Variants in CDC123 observed in about 807,000 individuals in gnomAD.
CDC123 encodes cell division cycle 123, also known as translation initiation factor eIF2 assembly protein.
Under a neutral mutation model 54.4 loss-of-function variants are expected in CDC123, and 37 were observed. The observed-to-expected ratio is 0.68, with a 90% CI of 0.52 to 0.89. The LOEUF is 0.89. Among genes scored for constraint, CDC123 ranks in the 40% least tolerant of loss-of-function variants. The pLI is 0.00. For missense variants in CDC123, 361 were observed against 412.1 expected (o/e 0.88, Z 1.07); for synonymous variants, 144 against 136.8 (o/e 1.05, Z -0.37).
At chr10:12,199,065 G>GA (rs113081068) in intron 2 of CDC123, among the ~76,000 whole-genome samples, 17 of 152,268 alleles carry the variant, frequency 1.1e-4, no homozygotes, top group African/African-American at 3.9e-4. Context: ...CAGGGTGGGG[G>GA]AAGTACATAT....
At chr10:12,234,581 CTG>C (rs1835953875) in intron 7 of CDC123, among the ~76,000 whole-genome samples, 1 of 151,958 alleles carries the variant, frequency 6.6e-6, no homozygotes, top group African/African-American at 2.4e-5. Flanking sequence ...ACGTATGGCA[CTG>C]TGGTGAAAAG....
At chr10:12,199,260 C>T (rs1208883388) in intron 2 of CDC123, among the ~76,000 whole-genome samples, 1 of 152,134 alleles carries the variant, frequency 6.6e-6, no homozygotes, top group East Asian at 1.9e-4. Context: ...TACTGTGTTT[C>T]AGTCTTTTGG....
At chr10:12,223,387 G>A (rs886996925) in intron 6 of CDC123, among the ~76,000 whole-genome samples, 1 of 152,056 alleles carries the variant, frequency 6.6e-6, no homozygotes, top group African/African-American at 2.4e-5. Flanking sequence ...CCAGGTTCAA[G>A]CAGTTGTCCT....
intron 6 of CDC123, among the ~76,000 whole-genome samples, chr10:12,226,430 G>T (rs1835815796): frequency 1.3e-5 from 2 of 152,118 alleles, no homozygotes; most frequent in Admixed American, 6.5e-5. Flanking sequence ...GGGGGCAGCT[G>T]CTGGGTGGAG....
At chr10:12,206,222 TA>T (rs1835517523) in intron 2 of CDC123, among the ~76,000 whole-genome samples, 2 of 152,396 alleles carry the variant, frequency 1.3e-5, no homozygotes, top group South Asian at 4.1e-4. Flanking sequence ...GTATGTTTTT[TA>T]AAATGTATGT....
In CDC123 at chr10:12,234,978, GACCTAAAAT is replaced by G. The variant is rs1835959773; in HGVS notation, c.490-69_490-61del. 7 of 1,061,474 alleles carry G rather than the reference GACCTAAAAT, an allele frequency of 6.6e-6. No homozygotes were observed. In the South Asian group the frequency reaches 9.0e-5, roughly 14 times the overall value. The allele number at this position is 1,061,474 out of a possible 1,614,324, so 65.8% of individuals were successfully genotyped here. On this transcript the variant is annotated intron_variant, in intron 7 of 12. Coordinates refer to ENST00000281141, the MANE Select transcript of CDC123 (RefSeq NM_006023.3). ...ATGGCAATCATTAAGATACAGTGTTGACCTAAAATTGCCTAGTAGACCTTACCACATAGG... is the reference window on the plus strand; with the variant it reads ...ATGGCAATCATTAAGATACAGTGTTGTGCCTAGTAGACCTTACCACATAGG...
chr10:12,236,599 TA>T (rs534845759), intron 8 of CDC123, among the ~76,000 whole-genome samples: 1,380 of 128,496 alleles, frequency 0.011, 13 homozygotes, highest in African/African-American at 0.027. Flanking sequence ...ACACTGTCTC[TA>T]AAAAAAAAAA....
chr10:12,235,195 G>A, intron 8 of CDC123, 72 bp downstream of exon 8: 2 of 1,339,104 alleles, frequency 1.5e-6, no homozygotes, highest in Non-Finnish European at 2.1e-6. Context: ...TTTGTTGGAA[G>A]TAAATTTCCA....
chr10:12,232,788 C>CT (rs34976610), intron 7 of CDC123, among the ~76,000 whole-genome samples: 68,742 of 148,106 alleles, frequency 0.46, 17,473 homozygotes, highest in Middle Eastern at 0.62. Context: ...CCTTACCTTT[C>CT]TTTTTTTTTT....
At position 12,235,059 on chromosome 10, in the gene CDC123, A is replaced by T. The variant is rs780088485; in HGVS notation, c.501A>T (p.Arg167=). ...TCTTTTGTTTACAGCTCGTTCTCCG[A>T]AAATGGTGTGAATTGATTCCTGGGG... The part of the protein sequence containing the change: ...DPCIEYELVL[R]KWCELIPGAE... Residue 167 remains arginine, a synonymous_variant, in exon 8 of 13, where the codon CGA becomes CGT. Coordinates refer to ENST00000281141, the MANE Select transcript of CDC123 (RefSeq NM_006023.3). The T allele has an allele frequency of 3.3e-5, 53 of 1,613,716 alleles. No individual in the cohort carries two copies. Among genetic ancestry groups the T allele is most frequent in the Non-Finnish European group, 4.3e-5 (51 of 1,179,684 alleles).
At chr10:12,208,500 A>G (rs182655140) in intron 2 of CDC123, among the ~76,000 whole-genome samples, 46 of 152,308 alleles carry the variant, frequency 3.0e-4, no homozygotes, top group Non-Finnish European at 5.4e-4. Context: ...ATATGTTGCA[A>G]GGGTACAATG....
chr10:12,202,168 G>T (rs1163658063), intron 2 of CDC123, among the ~76,000 whole-genome samples: 1 of 152,140 alleles, frequency 6.6e-6, no homozygotes, highest in East Asian at 1.9e-4. Context: ...GGTCTTAAGT[G>T]TACAACTTGG....
intron 2 of CDC123, 187 bp downstream of exon 2, chr10:12,198,963 C>T (rs1835401385): frequency 4.3e-6 from 2 of 470,040 alleles, no homozygotes; most frequent in Non-Finnish European, 7.5e-6. Flanking sequence ...GTACTTTTCC[C>T]TCTAATAATT....
At chr10:12,231,815 T>G (rs1348479008) in intron 7 of CDC123, among the ~76,000 whole-genome samples, 2 of 152,080 alleles carry the variant, frequency 1.3e-5, no homozygotes, top group East Asian at 1.9e-4. Flanking sequence ...GCTCATCAAC[T>G]GTCATGAATG....
chr10:12,219,775 C>T (rs1835710134), intron 6 of CDC123, among the ~76,000 whole-genome samples: 1 of 151,820 alleles, frequency 6.6e-6, no homozygotes, highest in Non-Finnish European at 1.5e-5. Context: ...ACCTCCGCCT[C>T]CTGGGTTGAA....
rs1314684622 is a variant in CDC123 at position 12,249,715 on chromosome 10, G to T, written c.981G>T (p.Lys327Asn). The T allele has an allele frequency of 1.9e-6, 3 of 1,608,452 alleles. No homozygotes were observed. Among genetic ancestry groups the T allele is most frequent in the Non-Finnish European group, 2.5e-6 (3 of 1,178,460 alleles). ...CTCACAAGCTAATAGACTTCCTTAA[G>T]CTGGTAAAGTCTATGTGCATTTAGT... ...EDAHKLIDFL[K>N]LKRNQQEDD The change falls in exon 12 of 13, where the codon AAG (lysine) becomes AAT (asparagine). Residue 327 changes from lysine to asparagine, a missense_variant. Transcript: ENST00000281141.
intron 6 of CDC123, among the ~76,000 whole-genome samples, chr10:12,220,064 C>G (rs1835715251): frequency 6.6e-6 from 1 of 152,174 alleles, no homozygotes; most frequent in Admixed American, 6.5e-5. Flanking sequence ...AACTCCTGAT[C>G]TCGTGATCCG....
intron 1 of CDC123, 66 bp from the exon 2 acceptor site, chr10:12,198,639 G>C: frequency 1.2e-6 from 1 of 834,186 alleles, no homozygotes; most frequent in East Asian, 2.4e-5. Flanking sequence ...ATCAAGTGTA[G>C]AGATTTTTCT....
At chr10:12,232,977 T>A (rs758691345) in intron 7 of CDC123, among the ~76,000 whole-genome samples, 1 of 151,930 alleles carries the variant, frequency 6.6e-6, no homozygotes, top group Non-Finnish European at 1.5e-5. Context: ...GCCAGGATGG[T>A]CTCGTTCTCC....
Sources: allele counts gnomAD v4.1 joint callset (sites outside exome capture counted in the v4.1 genomes callset), GRCh38; gene constraint gnomAD v4.1.1; transcripts MANE v1.5; gene names NCBI Gene and HGNC (gene_info 2026-07-23, HGNC 2026-07-21).